DOCK9: variants seen among roughly 807,000 people sequenced by gnomAD.
DOCK9 encodes dedicator of cytokinesis 9.
A neutral mutation model predicts 263.3 loss-of-function variants in DOCK9; 89 were observed. That is an observed-to-expected ratio of 0.34 (90% CI 0.28 to 0.40). The LOEUF (loss-of-function observed/expected upper bound fraction) is 0.40. Among genes scored for constraint, DOCK9 ranks in the 10% least tolerant of loss-of-function variants. The pLI, the probability that DOCK9 is intolerant of heterozygous loss-of-function variation, is 1.00. For synonymous variants in DOCK9, 976 were observed against 973.1 expected, an observed-to-expected ratio of 1.00 and a Z score of -0.06; for missense variants, 2,140 against 2,603.4, an observed-to-expected ratio of 0.82 and a Z score of 3.87.
At chr13:99,019,983 T>C (rs1430700203) in intron 1 of DOCK9, among the ~76,000 whole-genome samples, 1 of 152,162 alleles carries the variant, frequency 6.6e-6, no homozygotes, top group Admixed American at 6.5e-5. Flanking sequence ...GCACCTGTAG[T>C]CCCAGCTACT....
chr13:98,809,542 G>A, intron 46 of DOCK9, 77 bp from the exon 47 acceptor site: 1 of 1,253,148 alleles, frequency 8.0e-7, no homozygotes, highest in Non-Finnish European at 1.1e-6. Flanking sequence ...ATGTGATAAT[G>A]GAGGTGAAAA....
chr13:98,843,694 G>A (rs1054677915), intron 38 of DOCK9, among the ~76,000 whole-genome samples: 1 of 152,200 alleles, frequency 6.6e-6, no homozygotes, highest in Non-Finnish European at 1.5e-5. Context: ...AGAGGAGGGA[G>A]ACAGGAGGAC....
intron 27 of DOCK9, among the ~76,000 whole-genome samples, chr13:98,868,743 G>C (rs1480967447): frequency 1.3e-5 from 2 of 152,120 alleles, no homozygotes; most frequent in Non-Finnish European, 2.9e-5. Context: ...GACAAAGCAA[G>C]GCCCAGTCTC....
chr13:98,858,302 G>A (rs1169586344), intron 33 of DOCK9: 4 of 152,150 alleles, frequency 2.6e-5, no homozygotes, highest in East Asian at 1.9e-4. Context: ...CTGAGCCTCA[G>A]GACGCTTGCC....
intron 45 of DOCK9, among the ~76,000 whole-genome samples, chr13:98,820,240 C>A (rs2092181107): frequency 6.6e-6 from 1 of 152,196 alleles, no homozygotes; most frequent in Non-Finnish European, 1.5e-5. Context: ...GCCAACAGCA[C>A]TAGAACTCAC....
chr13:98,925,574 C>A (rs547921045), intron 4 of DOCK9, among the ~76,000 whole-genome samples: 1 of 152,216 alleles, frequency 6.6e-6, no homozygotes, highest in African/African-American at 2.4e-5. Context: ...AAAATTTCAC[C>A]TATTTATTTA....
intron 52 of DOCK9, among the ~76,000 whole-genome samples, chr13:98,795,743 A>C (rs2139745405): frequency 7.0e-6 from 1 of 143,668 alleles, no homozygotes; most frequent in East Asian, 2.1e-4. Flanking sequence ...CATTTCTCTA[A>C]TCGTTTCAAT....
At chr13:98,959,700 G>A (rs765683263) in intron 1 of DOCK9, among the ~76,000 whole-genome samples, 21 of 152,332 alleles carry the variant, frequency 1.4e-4, no homozygotes, top group Admixed American at 2.0e-4. Flanking sequence ...AGCAGAAGGA[G>A]ATGCAGGGGA....
intron 1 of DOCK9, among the ~76,000 whole-genome samples, chr13:99,004,788 C>CACACACAT (rs1883013552): frequency 1.7e-5 from 1 of 60,358 alleles, no homozygotes; most frequent in African/African-American, 4.0e-5. Flanking sequence ...ACTATAGACA[C>CACACACAT]ACACACACAC....
At chr13:98,959,123 G>A (rs1258590920) in intron 1 of DOCK9, among the ~76,000 whole-genome samples, 3 of 152,218 alleles carry the variant, frequency 2.0e-5, no homozygotes, top group African/African-American at 7.2e-5. Context: ...GTCCCACCAA[G>A]TACCCAGCAG....
At chr13:98,804,641 C>G (rs773851611) in intron 49 of DOCK9, among the ~76,000 whole-genome samples, 2 of 152,128 alleles carry the variant, frequency 1.3e-5, no homozygotes, top group African/African-American at 4.8e-5. Context: ...CCTCCCTGTG[C>G]GGAGACCCAG....
intron 1 of DOCK9, among the ~76,000 whole-genome samples, chr13:99,036,208 G>A (rs1020245741): frequency 9.2e-5 from 14 of 152,052 alleles, no homozygotes; most frequent in African/African-American, 2.7e-4. Flanking sequence ...TGTTACAAAC[G>A]GAATATTTGT....
chr13:98,853,057 T>TA (rs1362076862), intron 35 of DOCK9, among the ~76,000 whole-genome samples: 1 of 152,210 alleles, frequency 6.6e-6, no homozygotes, highest in Non-Finnish European at 1.5e-5. Context: ...TCTGGACGAA[T>TA]AAAAATTTTT....
intron 2 of DOCK9, among the ~76,000 whole-genome samples, chr13:98,945,383 TTCC>T (rs1439339087): frequency 6.6e-5 from 10 of 152,278 alleles, no homozygotes; most frequent in African/African-American, 2.4e-4. Context: ...TCACTACACC[TTCC>T]TCCCGTGAGC....
At position 98,855,908 on chromosome 13, in the gene DOCK9, G is replaced by T; in HGVS notation, c.3821C>A (p.Ser1274Tyr). 1 of 1,613,896 alleles carries T rather than the reference G, an allele frequency of 6.2e-7. No homozygotes were observed. The highest frequency in any genetic ancestry group is 8.5e-7 in the Non-Finnish European group (1 of 1,179,836). ...LPERNSEKSN[S>Y]LDKHQQSSTL... is the part of the protein sequence containing the mutation. ...GTGAAAAGCAATTACCTTATCCAGG[G>T]AATTGCTCTTCTCACTATTCCTTTC... The change falls in exon 34 of 53, where the codon TCC becomes TAC. Residue 1274 changes from serine to tyrosine, a missense_variant. This residue lies in a region of DOCK9 where 1,521 missense variants were observed against 1,741.7 expected (regional missense o/e 0.87). Transcript: ENST00000682017.
chr13:98,918,124 T>C (rs1371516010), intron 7 of DOCK9, among the ~76,000 whole-genome samples: 1 of 152,194 alleles, frequency 6.6e-6, no homozygotes, highest in African/African-American at 2.4e-5. Context: ...TGTTTTCAGA[T>C]AGGGGACAAA....
chr13:98,915,629 G>GGTT, intron 7 of DOCK9, 126 bp from the exon 8 acceptor site: 1 of 865,342 alleles, frequency 1.2e-6, no homozygotes, highest in Admixed American at 3.4e-5. Context: ...TAAATAGCTT[G>GGTT]CCCCCTCCTC....
chr13:99,041,917 C>A (rs780132788), intron 1 of DOCK9, among the ~76,000 whole-genome samples: 1 of 152,242 alleles, frequency 6.6e-6, no homozygotes, highest in Non-Finnish European at 1.5e-5. Context: ...AAGAAAAATT[C>A]TCTCCTTAAG....
chr13:99,047,357 T>A (rs2040482775), intron 1 of DOCK9, among the ~76,000 whole-genome samples: 1 of 152,184 alleles, frequency 6.6e-6, no homozygotes, highest in Admixed American at 6.5e-5. Context: ...GCACGTCTGT[T>A]ACCATCAGGG....
Sources: allele counts gnomAD v4.1 joint callset (sites outside exome capture counted in the v4.1 genomes callset), GRCh38; gene constraint gnomAD v4.1.1; regional missense constraint gnomAD v4.1.1; transcripts MANE v1.5; gene names NCBI Gene and HGNC (gene_info 2026-07-23, HGNC 2026-07-21).